Variants in SLC9A9 observed in about 807,000 individuals in gnomAD.
SLC9A9 encodes sodium/hydrogen exchanger 9.
Under a neutral mutation model 77.8 loss-of-function variants are expected in SLC9A9, and 62 were observed. That is an observed-to-expected ratio of 0.80 (90% CI 0.65 to 0.98). The LOEUF (loss-of-function observed/expected upper bound fraction) is 0.98, where lower values mean the gene tolerates loss of function less well. Ranked by LOEUF, SLC9A9 falls within the 50% of genes least tolerant of loss-of-function variation. SLC9A9 has a pLI of 0.00. For missense variants in SLC9A9, 775 were observed against 774.9 expected (o/e 1.00, Z 0.00); for synonymous variants, 320 against 283.5 (o/e 1.13, Z -1.29).
chr3:143,493,505 C>T (rs2035782235), intron 11 of SLC9A9, 148 bp downstream of exon 11: 4 of 684,572 alleles, frequency 5.8e-6, no homozygotes, highest in African/African-American at 1.8e-5. Context: ...TGTTGCTCAG[C>T]ACTTACGGAG....
At chr3:143,517,655 T>G in intron 9 of SLC9A9, 1 of 1,597,288 alleles carries the variant, frequency 6.3e-7, no homozygotes, top group Non-Finnish European at 8.5e-7. Flanking sequence ...TAGAAGTCTG[T>G]GTGCTTTCGC....
chr3:143,294,331 G>A (rs1408744956), intron 14 of SLC9A9, among the ~76,000 whole-genome samples: 1 of 152,174 alleles, frequency 6.6e-6, no homozygotes, highest in Non-Finnish European at 1.5e-5. Context: ...CGGTTTAGGA[G>A]CCTTGGTTTC....
chr3:143,536,374 C>T (rs1191107272), intron 9 of SLC9A9, among the ~76,000 whole-genome samples: 4 of 152,134 alleles, frequency 2.6e-5, no homozygotes, highest in Admixed American at 2.6e-4. Flanking sequence ...AATAATAGCC[C>T]GCTGGTTATT....
chr3:143,352,990 C>A (rs1361543532), intron 14 of SLC9A9, among the ~76,000 whole-genome samples: 3 of 152,222 alleles, frequency 2.0e-5, no homozygotes, highest in African/African-American at 7.2e-5. Flanking sequence ...AACCGGGACA[C>A]ATGCGGTCCC....
In SLC9A9 at chr3:143,493,588, G is replaced by T; in HGVS notation, c.1315+65C>A. 2.7e-6 allele frequency: 4 copies of T among 1,463,816 alleles called. No individual in the cohort carries two copies. In the South Asian group the frequency reaches 3.4e-5, roughly 13 times the overall value. The allele number at this position is 1,463,816 out of a possible 1,614,324, so 90.7% of individuals were successfully genotyped here. ...CAAAAGGGTTCTAAATTTTCTCATG[G>T]TTTTTCATGTTCTGTAAAATTGTGA... On this transcript the variant is annotated intron_variant, in intron 11 of 15. Coordinates refer to ENST00000316549, the MANE Select transcript of SLC9A9 (RefSeq NM_173653.4).
intron 6 of SLC9A9, among the ~76,000 whole-genome samples, chr3:143,646,212 C>G (rs1008199321): frequency 6.6e-6 from 1 of 150,902 alleles, no homozygotes; most frequent in Non-Finnish European, 1.5e-5. Context: ...TGTGATTCCA[C>G]ATAACACTTC....
chr3:143,742,383 T>G (rs1472310045), intron 4 of SLC9A9, among the ~76,000 whole-genome samples: 4 of 152,218 alleles, frequency 2.6e-5, no homozygotes, highest in African/African-American at 7.2e-5. Context: ...TGAATTACTC[T>G]TTCTCTACTG....
At chr3:143,271,354 T>C (rs1937893940) in intron 14 of SLC9A9, among the ~76,000 whole-genome samples, 1 of 152,238 alleles carries the variant, frequency 6.6e-6, no homozygotes, top group African/African-American at 2.4e-5. Flanking sequence ...ATGCCAGCCC[T>C]GCCACTTTAC....
intron 9 of SLC9A9, among the ~76,000 whole-genome samples, chr3:143,506,069 T>C (rs959855599): frequency 3.3e-5 from 5 of 152,238 alleles, no homozygotes; most frequent in Non-Finnish European, 5.9e-5. Flanking sequence ...AAGTTAAGAA[T>C]AGCTTCTCAT....
chr3:143,701,272 C>T (rs1431030668), intron 4 of SLC9A9, among the ~76,000 whole-genome samples: 1 of 152,156 alleles, frequency 6.6e-6, no homozygotes, highest in East Asian at 1.9e-4. Context: ...AGCATCAAGA[C>T]CACCGTGGAA....
intron 12 of SLC9A9, among the ~76,000 whole-genome samples, chr3:143,430,064 A>G (rs2034483260): frequency 1.3e-5 from 2 of 152,226 alleles, no homozygotes; most frequent in African/African-American, 4.8e-5. Context: ...CTTGACAGCT[A>G]TTAGAATAAG....
At position 143,693,233 on chromosome 3, in the gene SLC9A9, T is replaced by C; in HGVS notation, c.608A>G (p.Asp203Gly). ...QLKNGDFHFT[D>G]CLFFGSLMSA... The stretch of plus-strand genomic sequence containing the variant: ...CATCAGTGAACCAAAAAATAAACAG[T>C]CAGTGAAATGAAAGTCTCCATTTTT... Residue 203 changes from aspartate to glycine, a missense_variant, in exon 5 of 16, where the codon GAC becomes GGC. Coordinates refer to ENST00000316549, the MANE Select transcript of SLC9A9 (RefSeq NM_173653.4). 1 of 1,613,224 alleles carries C rather than the reference T, an allele frequency of 6.2e-7. No individual in the cohort carries two copies. Among genetic ancestry groups the C allele is most frequent in the Non-Finnish European group, 8.5e-7 (1 of 1,179,520 alleles).
At chr3:143,288,818 G>A (rs1318185015) in intron 14 of SLC9A9, among the ~76,000 whole-genome samples, 1 of 152,114 alleles carries the variant, frequency 6.6e-6, no homozygotes, top group Non-Finnish European at 1.5e-5. Context: ...AGCTAAAAAT[G>A]GTCAGATAGA....
chr3:143,358,770 T>A (rs2032659291), intron 14 of SLC9A9, among the ~76,000 whole-genome samples: 1 of 152,194 alleles, frequency 6.6e-6, no homozygotes, highest in African/African-American at 2.4e-5. Context: ...AGATTGCTAG[T>A]GAGGATGATA....
chr3:143,373,271 T>C (rs1350131973), intron 13 of SLC9A9, among the ~76,000 whole-genome samples: 1 of 152,080 alleles, frequency 6.6e-6, no homozygotes, highest in African/African-American at 2.4e-5. Flanking sequence ...TTCTCAGCCA[T>C]AAGAATGAAT....
chr3:143,387,784 T>TA (rs34211120), intron 12 of SLC9A9, among the ~76,000 whole-genome samples: 2,104 of 147,104 alleles, frequency 0.014, 30 homozygotes, highest in African/African-American at 0.035. Context: ...CAACCATAGT[T>TA]AAAAAAAAAA....
intron 12 of SLC9A9, among the ~76,000 whole-genome samples, chr3:143,432,784 C>T (rs1314326014): frequency 6.6e-6 from 1 of 152,182 alleles, no homozygotes; most frequent in Non-Finnish European, 1.5e-5. Context: ...TATACCCCCA[C>T]ACCCGGCTAA....
intron 4 of SLC9A9, among the ~76,000 whole-genome samples, chr3:143,707,761 G>T (rs1163244419): frequency 6.6e-6 from 1 of 152,150 alleles, no homozygotes; most frequent in Non-Finnish European, 1.5e-5. Flanking sequence ...GTCTAGAAGT[G>T]GCCACCAGGT....
chr3:143,374,407 A>T (rs2033130347), intron 13 of SLC9A9, among the ~76,000 whole-genome samples: 1 of 139,496 alleles, frequency 7.2e-6, no homozygotes, highest in East Asian at 2.2e-4. Context: ...CCTGGGAGAC[A>T]GCGAGACTCT....
Sources: allele counts gnomAD v4.1 joint callset (sites outside exome capture counted in the v4.1 genomes callset), GRCh38; gene constraint gnomAD v4.1.1; transcripts MANE v1.5; gene names NCBI Gene and HGNC (gene_info 2026-07-23, HGNC 2026-07-21).